The following SAV1 variants were observed in gnomAD, a reference collection of about 807,000 sequenced individuals.
SAV1 encodes salvador family WW domain containing protein 1, also known as protein salvador homolog 1.
In SAV1, 23 loss-of-function variants were observed where a neutral mutation model predicts 47.3. The observed-to-expected ratio is 0.49, with a 90% CI of 0.35 to 0.69. The LOEUF is 0.69. SAV1 is among the 30% of genes least tolerant of loss of function. The probability of loss-of-function intolerance (pLI) is 0.01; values close to 1 mark genes in which losing one functional copy is unlikely to be tolerated. For synonymous variants in SAV1, 155 were observed against 159.2 expected, an observed-to-expected ratio of 0.97 and a Z score of 0.20; for missense variants, 448 against 457.4, an observed-to-expected ratio of 0.98 and a Z score of 0.19.
intron 2 of SAV1, among the ~76,000 whole-genome samples, chr14:50,662,159 G>GTTAT (rs71443105): frequency 2.6e-4 from 39 of 150,592 alleles, no homozygotes; most frequent in African/African-American, 5.1e-4. Flanking sequence ...TTGAAATCTT[G>GTTAT]TTATTTATTT....
At chr14:50,666,135 T>G (rs183518492) in intron 1 of SAV1, among the ~76,000 whole-genome samples, 1 of 152,254 alleles carries the variant, frequency 6.6e-6, no homozygotes, top group East Asian at 1.9e-4. Context: ...ATTAAAAAAT[T>G]AGTAGCTCTT....
rs746858388 is a variant in SAV1, at chr14:50,635,287, T to G, written c.1048A>C (p.Ile350Leu). 2 of 1,614,162 alleles carry G rather than the reference T, an allele frequency of 1.2e-6. No homozygotes were observed. The highest frequency in any genetic ancestry group is 2.2e-5 in the South Asian group (2 of 91,086). ...KLLFMKELEQ[I>L]VKMYEAYRQA... ...CTGTATGCTTCATACATTTTAACAA[T>G]CTGCTCCAATTCTTTCATGAAGAGC... The change falls in exon 5 of 5, where the codon ATT (isoleucine) becomes CTT (leucine). Residue 350 changes from isoleucine (I) to leucine (L), a missense_variant. Coordinates refer to ENST00000324679, the MANE Select transcript of SAV1 (RefSeq NM_021818.4).
At position 50,637,369 on chromosome 14, in the gene SAV1, G is replaced by C. The variant is rs185345438; in HGVS notation, c.951-1985C>G. Among the ~76,000 whole-genome samples the C allele has an allele frequency of 2.1e-3, 322 of 152,228 alleles. 2 individuals are homozygous for C. The Middle Eastern group carries it at 0.027, about 13-fold the overall frequency. On this transcript the variant is annotated intron_variant, in intron 4 of 4. Coordinates refer to ENST00000324679, the MANE Select transcript of SAV1 (RefSeq NM_021818.4). ...AACATCCACCATTCTTGTAACTTAA[G>C]ATTTTATGTGCTCCTTGGAAACAAA... is the stretch of plus-strand genomic sequence containing the variant.
intron 3 of SAV1, 75 bp downstream of exon 3, chr14:50,644,669 G>A: frequency 7.4e-7 from 1 of 1,360,526 alleles, no homozygotes. Context: ...TATTCTCTTA[G>A]ATGAAAATAT....
chr14:50,652,802 G>A (rs946231162), intron 2 of SAV1, among the ~76,000 whole-genome samples: 17 of 152,302 alleles, frequency 1.1e-4, no homozygotes, highest in Admixed American at 4.6e-4. Context: ...AGGCCAAGGC[G>A]GGTGCATCAC....
At chr14:50,663,448 G>A (rs943704105) in intron 2 of SAV1, among the ~76,000 whole-genome samples, 1 of 152,154 alleles carries the variant, frequency 6.6e-6, no homozygotes, top group Non-Finnish European at 1.5e-5. Context: ...ACTCAAGCAT[G>A]CAGCTAATTC....
Position 50,640,826 on chromosome 14 carries a change from G to C in SAV1, c.874C>G (p.Leu292Val). The change falls in exon 4 of 5, where the codon CTT (leucine) becomes GTT (valine). Residue 292 changes from leucine to valine, a missense_variant. By Grantham distance (32) the Leu-to-Val change is conservative (BLOSUM62 1). Transcript: ENST00000324679. ...QPQQTERNQS[L>V]LVPANPYHTA... is the part of the protein sequence containing the mutation. ...TGATATGGATTTGCAGGTACCAGAA[G>C]GGACTGATTTCTTTCAGTTTGCTGT... is the stretch of plus-strand genomic sequence containing the variant. The C allele has an allele frequency of 6.2e-7, 1 of 1,613,886 alleles. No homozygotes were observed.
intron 4 of SAV1, among the ~76,000 whole-genome samples, chr14:50,635,956 C>A (rs1188272425): frequency 6.6e-6 from 1 of 152,170 alleles, no homozygotes; most frequent in African/African-American, 2.4e-5. Flanking sequence ...ATTCGCCCAC[C>A]TCAGCCTCCC....
intron 2 of SAV1, among the ~76,000 whole-genome samples, chr14:50,658,979 G>C (rs1037474538): frequency 6.6e-6 from 1 of 151,480 alleles, no homozygotes; most frequent in Non-Finnish European, 1.5e-5. Context: ...TTTTCTACAA[G>C]GTAAAACATT....
At chr14:50,665,105 T>C (rs1267208024) in intron 2 of SAV1, 74 bp downstream of exon 2, 1 of 1,462,702 alleles carries the variant, frequency 6.8e-7, no homozygotes. Flanking sequence ...CCCAAGAAAA[T>C]CTAGAAAAGA....
intron 4 of SAV1, among the ~76,000 whole-genome samples, chr14:50,637,287 A>G (rs887212946): frequency 5.9e-5 from 9 of 152,206 alleles, no homozygotes; most frequent in Non-Finnish European, 1.3e-4. Context: ...TTAGAGTGAT[A>G]CTGTAAGAAA....
intron 2 of SAV1, among the ~76,000 whole-genome samples, chr14:50,655,419 C>A (rs1216777770): frequency 8.4e-6 from 1 of 118,966 alleles, no homozygotes; most frequent in South Asian, 2.8e-4. Flanking sequence ...TTATTAAAAA[C>A]AAAAGCTGCC....
intron 2 of SAV1, among the ~76,000 whole-genome samples, chr14:50,653,244 T>C (rs2039784170): frequency 6.6e-6 from 1 of 151,990 alleles, no homozygotes. Context: ...AATGATAAAA[T>C]CCAAATAAAG....
At chr14:50,651,940 A>C (rs1008425695) in intron 2 of SAV1, among the ~76,000 whole-genome samples, 1 of 152,212 alleles carries the variant, frequency 6.6e-6, no homozygotes, top group Non-Finnish European at 1.5e-5. Flanking sequence ...CCCAAAGAGA[A>C]TAAATTGTAC....
At chr14:50,667,752 C>G in intron 1 of SAV1, 122 bp downstream of exon 1, 1 of 697,682 alleles carries the variant, frequency 1.4e-6, no homozygotes, top group South Asian at 1.8e-5. Flanking sequence ...AATCTCAAAA[C>G]CAGTATTTCA....
At chr14:50,661,545 C>A (rs1377635553) in intron 2 of SAV1, among the ~76,000 whole-genome samples, 3 of 152,138 alleles carry the variant, frequency 2.0e-5, no homozygotes, top group African/African-American at 4.8e-5. Context: ...GTTTCCCCTA[C>A]ATTTTCTTCT....
At chr14:50,637,467 C>G (rs1032453698) in intron 4 of SAV1, among the ~76,000 whole-genome samples, 2 of 152,086 alleles carry the variant, frequency 1.3e-5, no homozygotes, top group African/African-American at 4.8e-5. Flanking sequence ...TCTACTAAGT[C>G]AAGATGGTTA....
rs1450512856 is a variant in SAV1, at chr14:50,644,765, T to G, written c.785A>C (p.Tyr262Ser). The G allele has an allele frequency of 2.5e-6, 4 of 1,614,056 alleles. No individual in the cohort carries two copies. The highest frequency in any genetic ancestry group is 3.4e-6 in the Non-Finnish European group (4 of 1,179,994). Residue 262 changes from tyrosine (Y) to serine (S), a missense_variant, in exon 3 of 5, where the codon TAC (tyrosine) becomes TCC (serine). By Grantham distance (144) the Tyr-to-Ser change is moderately radical. Transcript: ENST00000324679. The stretch of plus-strand genomic sequence containing the variant: ...GTACCTAGGAGCACAGGGATGCCTG[T>G]ATTGGGCCTTCTTATTTGTGTGATC... ...YVDHTNKKAQ[Y>S]RHPCAPSVPR...
chr14:50,665,688 T>C, intron 1 of SAV1, 69 bp from the exon 2 acceptor site: 2 of 1,357,352 alleles, frequency 1.5e-6, no homozygotes, highest in Non-Finnish European at 2.0e-6. Context: ...AATTTGTTCA[T>C]TTATGTCTAC....
Sources: allele counts gnomAD v4.1 joint callset (sites outside exome capture counted in the v4.1 genomes callset), GRCh38; gene constraint gnomAD v4.1.1; transcripts MANE v1.5; gene names NCBI Gene and HGNC (gene_info 2026-07-23, HGNC 2026-07-21).